The following MOBP variants were observed in gnomAD, a reference collection of about 807,000 sequenced individuals.
MOBP encodes the protein myelin associated oligodendrocyte basic protein.
Under a neutral mutation model 15.0 loss-of-function variants are expected in MOBP, and 5 were observed. The observed-to-expected ratio is 0.33, with a 90% CI of 0.17 to 0.70. The LOEUF is 0.70. Among genes scored for constraint, MOBP ranks in the 30% least tolerant of loss-of-function variants. The pLI is 0.67. For missense variants in MOBP, 188 were observed against 257.8 expected (o/e 0.73, Z 1.85); for synonymous variants, 88 against 99.0 (o/e 0.89, Z 0.66).
intron 4 of MOBP, among the ~76,000 whole-genome samples, chr3:39,512,806 T>C (rs2043136307): frequency 6.6e-6 from 1 of 152,248 alleles, no homozygotes; most frequent in Non-Finnish European, 1.5e-5. Flanking sequence ...AGAGTTCTGC[T>C]ATCTAAATAA....
At chr3:39,501,014 C>T (rs1708070) in intron 2 of MOBP, among the ~76,000 whole-genome samples, 15,950 of 152,216 alleles carry the variant, frequency 0.1, 1,381 homozygotes, top group African/African-American at 0.23. Flanking sequence ...ATTCTACCTG[C>T]TTCTCAGCTG....
downstream of MOBP, chr3:39,527,152 A>G (rs1299143196): frequency 6.6e-6 from 1 of 152,152 alleles, no homozygotes; most frequent in Non-Finnish European, 1.5e-5. Context: ...AATTTGATGC[A>G]GAATTGGGAA....
chr3:39,499,982 A>G, intron 2 of MOBP: 1 of 455,350 alleles, frequency 2.2e-6, no homozygotes, highest in South Asian at 1.6e-5. Flanking sequence ...TTTTCATGCC[A>G]TTGCACCAGC....
intron 2 of MOBP, chr3:39,500,065 A>G (rs1484447215): frequency 4.4e-6 from 2 of 456,164 alleles, no homozygotes; most frequent in Non-Finnish European, 8.8e-6. Flanking sequence ...CTCTACCTAC[A>G]AGGTGAGCTC....
At chr3:39,469,182 G>A (rs1030968787) in intron 1 of MOBP, among the ~76,000 whole-genome samples, 1,321 of 81,812 alleles carry the variant, frequency 0.016, 103 homozygotes, top group Non-Finnish European at 0.021. Context: ...ATATACATGT[G>A]TGTGTGTGTA....
chr3:39,494,080 A>G (rs536159658), intron 2 of MOBP, among the ~76,000 whole-genome samples: 3 of 152,350 alleles, frequency 2.0e-5, no homozygotes, highest in African/African-American at 7.2e-5. Context: ...TAAACAAGGC[A>G]TATAGCACTG....
At chr3:39,485,577 C>A (rs534982630) in intron 2 of MOBP, among the ~76,000 whole-genome samples, 1 of 152,178 alleles carries the variant, frequency 6.6e-6, no homozygotes, top group African/African-American at 2.4e-5. Flanking sequence ...TTTGGACCCC[C>A]AGTTATTATT....
rs2042996609 is a variant in MOBP, at chr3:39,502,931, T to C, written c.*51T>C. 3 of 832,192 alleles carry C rather than the reference T, an allele frequency of 3.6e-6. No homozygotes were observed. The highest frequency in any genetic ancestry group is 1.7e-5 in the African/African-American group (1 of 58,130). The allele number at this position is 832,192 out of a possible 1,614,324, so 51.6% of individuals were successfully genotyped here. On this transcript the variant is annotated 3_prime_UTR_variant, in exon 4 of 4. Transcript: ENST00000684792. The surrounding 1 kb of genome is among the most constrained non-coding windows in gnomAD (Gnocchi z 6.3). ...AGCCCTAAGGTTAGTAGTTGCTTCC[T>C]GTGTTTACTAACACCGGGCTGTCTC... is the stretch of plus-strand genomic sequence containing the variant.
At chr3:39,500,299 C>T (rs943678900) in intron 2 of MOBP, among the ~76,000 whole-genome samples, 5 of 152,176 alleles carry the variant, frequency 3.3e-5, no homozygotes, top group African/African-American at 9.7e-5. Context: ...CCAGGCAAAA[C>T]CAAAGTGTAT....
chr3:39,485,260 T>A (rs769248678), intron 2 of MOBP, among the ~76,000 whole-genome samples: 2 of 152,248 alleles, frequency 1.3e-5, no homozygotes, highest in Non-Finnish European at 2.9e-5. Context: ...AGAGACAGCA[T>A]GTAGTAGTTA....
chr3:39,495,779 G>A (rs4113193), intron 2 of MOBP, among the ~76,000 whole-genome samples: 39,307 of 144,260 alleles, frequency 0.27, 6,449 homozygotes, highest in African/African-American at 0.46. Context: ...AAAAGAAAGA[G>A]GAAAAAAAGA....
intron 2 of MOBP, among the ~76,000 whole-genome samples, chr3:39,485,436 T>G (rs1432066220): frequency 3.3e-5 from 5 of 152,168 alleles, no homozygotes; most frequent in Non-Finnish European, 7.4e-5. Flanking sequence ...CTACGGGAGC[T>G]GGTGAATGTG....
chr3:39,479,889 C>T (rs2042604127), intron 1 of MOBP, among the ~76,000 whole-genome samples, 151 bp from the exon 2 acceptor site: 1 of 151,538 alleles, frequency 6.6e-6, no homozygotes, highest in Non-Finnish European at 1.5e-5. Context: ...TCCCCCATCC[C>T]TCAGCTGGCA....
intron 4 of MOBP, among the ~76,000 whole-genome samples, chr3:39,511,874 G>GA (rs201946975): frequency 2.9e-3 from 428 of 150,104 alleles, no homozygotes; most frequent in African/African-American, 8.5e-3. Flanking sequence ...AATTAAAATG[G>GA]AAAAAAAAAG....
chr3:39,513,400 G>C, exon 5 of MOBP: 1 of 1,614,042 alleles, frequency 6.2e-7, no homozygotes, highest in Non-Finnish European at 8.5e-7. Context: ...AGGAAGATCA[G>C]GCCAACCCCA....
intron 2 of MOBP, among the ~76,000 whole-genome samples, chr3:39,486,380 G>A (rs1277924492): frequency 1.3e-5 from 2 of 151,934 alleles, no homozygotes; most frequent in African/African-American, 4.8e-5. Flanking sequence ...TAGGGTATTT[G>A]TTCTAATTTC....
At chr3:39,522,046 C>A (rs1417459568) in intron 3 of MOBP, among the ~76,000 whole-genome samples, 2 of 152,120 alleles carry the variant, frequency 1.3e-5, no homozygotes, top group African/African-American at 4.8e-5. Flanking sequence ...AGGAGTTGAC[C>A]ACAGCAGCTA....
At chr3:39,512,279 T>G (rs945338983) in intron 4 of MOBP, among the ~76,000 whole-genome samples, 10 of 152,192 alleles carry the variant, frequency 6.6e-5, no homozygotes, top group African/African-American at 2.4e-4. Flanking sequence ...CTGAGGGTGA[T>G]GCCTGGGATC....
chr3:39,498,326 G>GTAT (rs2042915583), intron 2 of MOBP, among the ~76,000 whole-genome samples: 2 of 151,860 alleles, frequency 1.3e-5, no homozygotes, highest in African/African-American at 4.8e-5. Context: ...TAGGAGGGCA[G>GTAT]TTTTTTGTTG....
Sources: gnomAD v4.1 joint callset for allele counts (sites outside exome capture counted in the v4.1 genomes callset) on GRCh38, gnomAD v4.1.1 for gene constraint, Gnocchi (gnomAD v3.1) non-coding constraint, MANE v1.5 for transcripts, NCBI Gene and HGNC (gene_info 2026-07-23, HGNC 2026-07-21) for gene names.